STXBP5: variants seen among roughly 807,000 people sequenced by gnomAD.
STXBP5 encodes the protein syntaxin binding protein 5, also known as syntaxin-binding protein 5.
In STXBP5, 50 loss-of-function variants were observed where a neutral mutation model predicts 152.4. The observed-to-expected ratio is 0.33, with a 90% CI of 0.26 to 0.42. The LOEUF (loss-of-function observed/expected upper bound fraction) is 0.42, where lower values mean the gene tolerates loss of function less well. Among genes scored for constraint, STXBP5 ranks in the 10% least tolerant of loss-of-function variants. The pLI, the probability that STXBP5 is intolerant of heterozygous loss-of-function variation, is 1.00. For synonymous variants in STXBP5, 492 were observed against 494.7 expected (o/e 0.99, Z 0.07); for missense variants, 1,167 against 1,388.6 (o/e 0.84, Z 2.54).
chr6:147,307,449 T>C (rs750286857), intron 9 of STXBP5, among the ~76,000 whole-genome samples: 1 of 152,206 alleles, frequency 6.6e-6, no homozygotes, highest in Non-Finnish European at 1.5e-5. Context: ...CTGGAACTTT[T>C]AATACAATTC....
At position 147,363,658 on chromosome 6, in the gene STXBP5, A is replaced by G. The variant is rs1785166355; in HGVS notation, c.2869A>G (p.Ile957Val). 2 of 1,613,928 alleles carry G rather than the reference A, an allele frequency of 1.2e-6. No individual in the cohort carries two copies. The highest frequency in any genetic ancestry group is 1.7e-6 in the Non-Finnish European group (2 of 1,179,964). ...AGATATTGTAGCATTGAGTAACAGT[A>G]TCTGCCTTGCCTGTTTCTGTGCCAA... Reference protein sequence around the residue: ...RGDIVALSNSICLACFCANGH... With the variant: ...RGDIVALSNSVCLACFCANGH... The change falls in exon 24 of 28, where the codon ATC (isoleucine) becomes GTC (valine). Residue 957 changes from isoleucine to valine, a missense_variant. This residue lies in a region of STXBP5 where 833 missense variants were observed against 986.3 expected (regional missense o/e 0.84). Coordinates refer to ENST00000321680, the MANE Select transcript of STXBP5 (RefSeq NM_001127715.4).
intron 8 of STXBP5, among the ~76,000 whole-genome samples, chr6:147,283,825 A>T (rs1176416928): frequency 1.3e-5 from 2 of 152,196 alleles, no homozygotes; most frequent in Non-Finnish European, 2.9e-5. Context: ...CCAGCCGTAA[A>T]TCAACTTTGT....
rs147821832 is a variant in STXBP5 at position 147,225,207 on chromosome 6, G to T, written c.249-10043G>T. Among the ~76,000 whole-genome samples, 11 of 152,158 alleles carry T rather than the reference G, an allele frequency of 7.2e-5. No individual in the cohort carries two copies. In the East Asian group the frequency reaches 2.1e-3, roughly 29 times the overall value. On this transcript the variant is annotated intron_variant, in intron 2 of 27. Transcript: ENST00000321680. ...TAAATTTTTTCTTGGTTTAGTAGGAGAATATCTACTCAAAGAAATTTACTT... is the reference window on the plus strand; with the variant it reads ...TAAATTTTTTCTTGGTTTAGTAGGATAATATCTACTCAAAGAAATTTACTT...
At chr6:147,277,312 C>G (rs1392361463) in intron 7 of STXBP5, among the ~76,000 whole-genome samples, 1 of 152,006 alleles carries the variant, frequency 6.6e-6, no homozygotes, top group African/African-American at 2.4e-5. Flanking sequence ...TTCTTGCATT[C>G]CAGTAGGGTG....
chr6:147,359,216 C>T lies in STXBP5; in HGVS notation c.2438C>T (p.Pro813Leu). 1 of 1,614,064 alleles carries T rather than the reference C, an allele frequency of 6.2e-7. No homozygotes were observed. The highest frequency in any genetic ancestry group is 8.5e-7 in the Non-Finnish European group (1 of 1,179,948). Residue 813 changes from proline (P) to leucine (L), a missense_variant, in exon 23 of 28, where the codon CCT (proline) becomes CTT (leucine). Physicochemically the swap from Pro to Leu is moderately conservative, Grantham distance 98. Around this residue, in one of 3 missense-constraint regions of STXBP5, gnomAD observed 833 missense variants for 986.3 expected, o/e 0.84. Coordinates refer to ENST00000321680, the MANE Select transcript of STXBP5 (RefSeq NM_001127715.4). The part of the protein sequence containing the change: ...FTRKTDSSPS[P>L]CLWVGTTLGT... ...CGAAAGACGGACTCGTCCCCTTCCC[C>T]TTGTCTATGGGTTGGAACAACGCTA...
In STXBP5 at chr6:147,248,177, G is replaced by A. The variant is rs1024594739; in HGVS notation, c.431+8907G>A. 2.0e-5 allele frequency among the ~76,000 whole-genome samples: 3 copies of A among 151,850 alleles called. No homozygotes were observed. In the South Asian group the frequency reaches 6.2e-4, roughly 32 times the overall value. On this transcript the variant is annotated intron_variant, in intron 4 of 27. Coordinates refer to ENST00000321680, the MANE Select transcript of STXBP5 (RefSeq NM_001127715.4). ...CACCTGTATTCCCAGCTACTCGGGA[G>A]CCTGAGGCAGGGAGAATTGCTTGAA...
At chr6:147,216,298 A>G (rs936505697) in intron 2 of STXBP5, among the ~76,000 whole-genome samples, 1 of 152,176 alleles carries the variant, frequency 6.6e-6, no homozygotes, top group Non-Finnish European at 1.5e-5. Context: ...AGGCTGTGGC[A>G]GGAGAATCAC....
chr6:147,311,440 A>G lies in STXBP5; in HGVS notation c.1073-15A>G, dbSNP rs1294346283. ...GCATTTTTGAAACTATAATTCATGC[A>G]TTGTCCAATTCCAGATTTTCAAGAA... is the stretch of plus-strand genomic sequence containing the variant. On this transcript the variant is annotated splice_polypyrimidine_tract_variant and intron_variant, in intron 10 of 27. Transcript: ENST00000321680. 5 of 1,609,354 alleles carry G rather than the reference A, an allele frequency of 3.1e-6. No homozygotes were observed. In the Admixed American group the frequency reaches 5.0e-5, roughly 16 times the overall value.
At chr6:147,213,532 G>A (rs956935981) in intron 2 of STXBP5, among the ~76,000 whole-genome samples, 1 of 150,452 alleles carries the variant, frequency 6.6e-6, no homozygotes, top group African/African-American at 2.5e-5. Context: ...TTCTTGCAAA[G>A]ATGGGGTCAT....
intron 21 of STXBP5, among the ~76,000 whole-genome samples, chr6:147,349,942 A>T (rs538766457): frequency 5.1e-4 from 78 of 152,272 alleles, no homozygotes; most frequent in African/African-American, 8.2e-4. Context: ...ATTCAAGGAG[A>T]TTGCTTAAAA....
At chr6:147,206,098 T>G (rs1158991483) in intron 2 of STXBP5, 30 bp downstream of exon 2, 3 of 1,572,760 alleles carry the variant, frequency 1.9e-6, no homozygotes. Flanking sequence ...ATTTTTTAAC[T>G]TCTACTTTGT....
intron 18 of STXBP5, among the ~76,000 whole-genome samples, chr6:147,333,487 G>A (rs1258062216): frequency 6.6e-6 from 1 of 152,164 alleles, no homozygotes; most frequent in Non-Finnish European, 1.5e-5. Flanking sequence ...TTGCACCACT[G>A]CACTCCAGCC....
At position 147,324,262 on chromosome 6, in the gene STXBP5, TGG is replaced by T. The variant is rs1491391011; in HGVS notation, c.1803-696_1803-695del. Among the ~76,000 whole-genome samples, 131 of 115,968 alleles carry T rather than the reference TGG, an allele frequency of 1.1e-3. 1 individual carries two copies. The highest frequency in any genetic ancestry group is 4.1e-3 in the South Asian group (14 of 3,430). The allele number at this position is 115,968 out of a possible 152,430, so 76.1% of individuals were successfully genotyped here. A position where few individuals can be genotyped will look rare whatever the true frequency, so the allele number is the denominator to read the frequency against. ...TTTTAAGTTTTGTGGGGTTTTTTTT[TGG>T]TTTTTTTTTTTTTTTTTTTTTTTTT... On this transcript the variant is annotated intron_variant, in intron 16 of 27. Coordinates refer to ENST00000321680, the MANE Select transcript of STXBP5 (RefSeq NM_001127715.4).
intron 21 of STXBP5, among the ~76,000 whole-genome samples, chr6:147,350,341 A>G (rs1784531785): frequency 1.3e-5 from 2 of 152,282 alleles, no homozygotes; most frequent in East Asian, 3.9e-4. Flanking sequence ...GATCAAAAGC[A>G]TGCACCTAGA....
chr6:147,244,080 A>T (rs914225138), intron 4 of STXBP5, among the ~76,000 whole-genome samples: 5 of 152,240 alleles, frequency 3.3e-5, no homozygotes, highest in Non-Finnish European at 5.9e-5. Flanking sequence ...GATAATAAAA[A>T]TAAAAATACA....
rs1786505346 is a variant in STXBP5, at chr6:147,389,760, G to A, written c.*5005G>A. The A allele has an allele frequency of 6.6e-6, 1 of 151,570 alleles. No homozygotes were observed. Among genetic ancestry groups the A allele is most frequent in the Non-Finnish European group, 1.5e-5 (1 of 67,798 alleles). The allele number at this position is 151,570 out of a possible 1,614,324, so 9.4% of individuals were successfully genotyped here. On this transcript the variant is annotated 3_prime_UTR_variant, in exon 28 of 28. Coordinates refer to ENST00000321680, the MANE Select transcript of STXBP5 (RefSeq NM_001127715.4). ...TTGCTTCAACTGAAGACAGTGTAAG[G>A]AGTTGAAAATACAATCAACATAGCA...
intron 4 of STXBP5, among the ~76,000 whole-genome samples, chr6:147,249,351 A>C (rs1033440366): frequency 2.0e-5 from 3 of 152,204 alleles, no homozygotes; most frequent in African/African-American, 7.2e-5. Context: ...GGAACTTCGC[A>C]GTGAGTAGAA....
At chr6:147,369,403 T>TC (rs1785442836) in intron 25 of STXBP5, among the ~76,000 whole-genome samples, 1 of 152,050 alleles carries the variant, frequency 6.6e-6, no homozygotes. Context: ...TGTTACCTTA[T>TC]TTTGGGAAAA....
chr6:147,256,263 T>C (rs1391246917), intron 4 of STXBP5, among the ~76,000 whole-genome samples: 1 of 152,220 alleles, frequency 6.6e-6, no homozygotes, highest in Non-Finnish European at 1.5e-5. Flanking sequence ...TCAGCAGAGA[T>C]AGCAACAGAA....
Sources: allele counts gnomAD v4.1 joint callset (sites outside exome capture counted in the v4.1 genomes callset), GRCh38; gene constraint gnomAD v4.1.1; regional missense constraint gnomAD v4.1.1; transcripts MANE v1.5; gene names NCBI Gene and HGNC (gene_info 2026-07-23, HGNC 2026-07-21).